Variants in OGDH observed in about 807,000 individuals in gnomAD.
OGDH encodes oxoglutarate dehydrogenase, also known as 2-oxoglutarate dehydrogenase complex component E1.
In OGDH, 38 loss-of-function variants were observed where a neutral mutation model predicts 116.6. The observed-to-expected ratio is 0.33, with a 90% CI of 0.25 to 0.43. The LOEUF (loss-of-function observed/expected upper bound fraction) is 0.43. Ranked by LOEUF, OGDH falls within the 20% of genes least tolerant of loss-of-function variation. The pLI, the probability that OGDH is intolerant of heterozygous loss-of-function variation, is 1.00. For missense variants in OGDH, 825 were observed against 1,357.2 expected (o/e 0.61, Z 6.16); for synonymous variants, 488 against 533.3 (o/e 0.92, Z 1.17).
intron 1 of OGDH, among the ~76,000 whole-genome samples, chr7:44,623,658 T>C (rs1189377158): frequency 1.2e-5 from 1 of 80,156 alleles, no homozygotes; most frequent in East Asian, 2.6e-4. Flanking sequence ...TTGTTTTGTT[T>C]TGTTTTGAGA....
At chr7:44,685,228 C>G (rs1159160015) in intron 10 of OGDH, among the ~76,000 whole-genome samples, 2 of 152,134 alleles carry the variant, frequency 1.3e-5, no homozygotes, top group African/African-American at 4.8e-5. Flanking sequence ...TGTTTCGTCT[C>G]CAACAGAAAT....
intron 4 of OGDH, among the ~76,000 whole-genome samples, chr7:44,659,693 AT>A (rs1786850909): frequency 6.6e-6 from 1 of 152,096 alleles, no homozygotes; most frequent in African/African-American, 2.4e-5. Flanking sequence ...GTATTCCCTT[AT>A]TTTTGATAGT....
chr7:44,618,570 A>G (rs569628901), intron 1 of OGDH, among the ~76,000 whole-genome samples: 1 of 152,304 alleles, frequency 6.6e-6, no homozygotes, highest in South Asian at 2.1e-4. Flanking sequence ...ATAAGCATGT[A>G]TTTTGTTAAA....
At chr7:44,612,509 G>A (rs943702483) in intron 1 of OGDH, among the ~76,000 whole-genome samples, 3 of 151,486 alleles carry the variant, frequency 2.0e-5, no homozygotes, top group Admixed American at 6.6e-5. Flanking sequence ...TCAGACCCCC[G>A]AGTAGGTGGG....
Position 44,693,872 on chromosome 7 carries a change from C to T in OGDH, c.1383C>T (p.Pro461=). ...GGATGGCCCGCTCCTCCCCCTACCC[C>T]ACTGACGTGGCCCGAGTGGTGAATG... The part of the protein sequence containing the change: ...DPRMARSSPY[P]TDVARVVNAP... Residue 461 remains proline (P), a synonymous_variant, in exon 11 of 23, where the codon CCC becomes CCT. Coordinates refer to ENST00000222673, the MANE Select transcript of OGDH (RefSeq NM_002541.4). 1 of 1,613,252 alleles carries T rather than the reference C, an allele frequency of 6.2e-7. No homozygotes were observed. The highest frequency in any genetic ancestry group is 8.5e-7 in the Non-Finnish European group (1 of 1,179,338).
At chr7:44,680,536 GCATACA>G (rs1327450823) in intron 9 of OGDH, among the ~76,000 whole-genome samples, 3 of 125,970 alleles carry the variant, frequency 2.4e-5, no homozygotes, top group East Asian at 2.5e-4. Context: ...TAGTTTTATT[GCATACA>G]CACACACACA....
At chr7:44,621,847 G>T (rs1785021866) in intron 1 of OGDH, among the ~76,000 whole-genome samples, 2 of 151,030 alleles carry the variant, frequency 1.3e-5, no homozygotes, top group Non-Finnish European at 3.0e-5. Context: ...CTCCAGCCTG[G>T]ACTACAGAGC....
chr7:44,659,666 G>C (rs971260900), intron 4 of OGDH, among the ~76,000 whole-genome samples: 1 of 152,150 alleles, frequency 6.6e-6, no homozygotes, highest in Non-Finnish European at 1.5e-5. Context: ...TGTCAAATGT[G>C]TGTAGTGTTA....
chr7:44,662,409 C>T (rs1786984611), intron 4 of OGDH, among the ~76,000 whole-genome samples: 1 of 151,204 alleles, frequency 6.6e-6, no homozygotes, highest in Non-Finnish European at 1.5e-5. Flanking sequence ...ATCCTTTTCC[C>T]TTATCTTTCA....
intron 2 of OGDH, among the ~76,000 whole-genome samples, chr7:44,626,318 CACACACACACACACCCCT>C (rs1436334417): frequency 1.5e-5 from 2 of 135,082 alleles, no homozygotes; most frequent in African/African-American, 2.8e-5. Flanking sequence ...CACACACACA[CACACACACACACACCCCT>C]ACACACACAC....
rs189522891 is a variant in OGDH, at chr7:44,673,999, C to G, written c.788+58C>G. 1,494 of 1,602,080 alleles carry G rather than the reference C, an allele frequency of 9.3e-4. 1 individual carries two copies. Among genetic ancestry groups the G allele is most frequent in the Admixed American group, 1.3e-3 (75 of 59,498 alleles). ...ATTCCCAGGGAAGCAGTGACCCTGTCTGTGTTGATCGGGCCTGTGTGCAGC... is the reference window on the plus strand; with the variant it reads ...ATTCCCAGGGAAGCAGTGACCCTGTGTGTGTTGATCGGGCCTGTGTGCAGC... On this transcript the variant is annotated intron_variant, in intron 6 of 22. Transcript: ENST00000222673.
At chr7:44,642,750 T>C (rs1786001943) in intron 2 of OGDH, among the ~76,000 whole-genome samples, 1 of 151,936 alleles carries the variant, frequency 6.6e-6, no homozygotes, top group South Asian at 2.1e-4. Flanking sequence ...AGTGAAACCC[T>C]GTCTCTACTA....
At chr7:44,671,820 A>G (rs1231663274) in intron 5 of OGDH, among the ~76,000 whole-genome samples, 2 of 150,840 alleles carry the variant, frequency 1.3e-5, no homozygotes, top group Non-Finnish European at 2.9e-5. Flanking sequence ...CTGTAATCCC[A>G]GCACTTTGGG....
chr7:44,647,479 C>A (rs920749380), intron 3 of OGDH, 178 bp from the exon 4 acceptor site: 5 of 1,538,786 alleles, frequency 3.2e-6, no homozygotes, highest in Non-Finnish European at 4.4e-6. Context: ...TTGATCCTCT[C>A]GGAATTAGTT....
intron 1 of OGDH, among the ~76,000 whole-genome samples, chr7:44,623,059 C>T (rs988918186): frequency 2.0e-5 from 3 of 152,140 alleles, no homozygotes; most frequent in South Asian, 2.1e-4. Flanking sequence ...ACCCCACCCA[C>T]GTCTCCCTTG....
intron 2 of OGDH, among the ~76,000 whole-genome samples, chr7:44,630,733 A>C (rs1199589996): frequency 6.6e-6 from 1 of 152,226 alleles, no homozygotes; most frequent in East Asian, 1.9e-4. Flanking sequence ...AATGCTATGC[A>C]GATAGTTGTT....
intron 4 of OGDH, among the ~76,000 whole-genome samples, chr7:44,657,475 C>T (rs1325684290): frequency 6.6e-6 from 1 of 152,154 alleles, no homozygotes; most frequent in Admixed American, 6.5e-5. Context: ...TGTGGATGTA[C>T]TATGATTGTT....
At chr7:44,618,555 C>G (rs1784891404) in intron 1 of OGDH, among the ~76,000 whole-genome samples, 1 of 152,152 alleles carries the variant, frequency 6.6e-6, no homozygotes, top group Non-Finnish European at 1.5e-5. Flanking sequence ...TCCTAAGTAA[C>G]TAAAATAAGC....
In OGDH at chr7:44,708,758, TCCTGTTAAC is replaced by T. The variant is rs1199580839; in HGVS notation, c.*763_*771del. The T allele has an allele frequency of 1.3e-5, 2 of 152,226 alleles. No individual in the cohort carries two copies. The highest frequency in any genetic ancestry group is 4.8e-5 in the African/African-American group (2 of 41,456). The allele number at this position is 152,226 out of a possible 1,614,324, so 9.4% of individuals were successfully genotyped here. On this transcript the variant is annotated 3_prime_UTR_variant, in exon 23 of 23. Coordinates refer to ENST00000222673, the MANE Select transcript of OGDH (RefSeq NM_002541.4). ...CGGGGCACTGGCTGCTCTGTCTTGGTCCTGTTAACCCTCCACCTCCTCTCTTGGACTCCC... is the reference window on the plus strand; with the variant it reads ...CGGGGCACTGGCTGCTCTGTCTTGGTCCTCCACCTCCTCTCTTGGACTCCC...
Sources: allele counts gnomAD v4.1 joint callset (sites outside exome capture counted in the v4.1 genomes callset), GRCh38; gene constraint gnomAD v4.1.1; transcripts MANE v1.5; gene names NCBI Gene and HGNC (gene_info 2026-07-23, HGNC 2026-07-21).